Variants in MEI4 observed in about 807,000 individuals in gnomAD.
The protein encoded by MEI4 is meiotic double-stranded break formation protein 4, also known as meiosis-specific protein MEI4.
MEI4 carries 27 observed loss-of-function variants against 31.4 expected under a neutral mutation model. That is an observed-to-expected ratio of 0.86 (90% CI 0.63 to 1.19). The LOEUF (loss-of-function observed/expected upper bound fraction) is 1.19, where lower values mean the gene tolerates loss of function less well. MEI4 is among the 50% of genes most tolerant of loss of function. The pLI is 0.00. For missense variants in MEI4, 329 were observed against 398.9 expected (o/e 0.82, Z 1.49); for synonymous variants, 122 against 145.4 (o/e 0.84, Z 1.16).
intron 3 of MEI4, among the ~76,000 whole-genome samples, chr6:77,786,309 T>C (rs943260386): frequency 6.6e-6 from 1 of 152,106 alleles, no homozygotes; most frequent in African/African-American, 2.4e-5. Flanking sequence ...GAGCAGTCTC[T>C]CACTAAGGTA....
At chr6:77,777,733 C>T (rs1582131744) in intron 3 of MEI4, among the ~76,000 whole-genome samples, 1 of 152,046 alleles carries the variant, frequency 6.6e-6, no homozygotes, top group African/African-American at 2.4e-5. Context: ...AATGACAAAA[C>T]TTAAATCCTG....
chr6:77,889,871 CTTCAGAGGG>C, intron 4 of MEI4, among the ~76,000 whole-genome samples: 1 of 152,314 alleles, frequency 6.6e-6, no homozygotes, highest in East Asian at 1.9e-4. Context: ...CAGGCCATTG[CTTCAGAGGG>C]TGTAAGCCCC....
At chr6:77,699,439 G>T (rs1006068921) in intron 2 of MEI4, among the ~76,000 whole-genome samples, 1 of 151,976 alleles carries the variant, frequency 6.6e-6, no homozygotes, top group African/African-American at 2.4e-5. Context: ...TGATCCGCCC[G>T]CCTCGGCCTC....
chr6:77,737,357 G>A (rs1043447119), intron 2 of MEI4, among the ~76,000 whole-genome samples: 2 of 152,134 alleles, frequency 1.3e-5, no homozygotes, highest in Non-Finnish European at 2.9e-5. Flanking sequence ...AATTACTTTG[G>A]CATGGAAATA....
At chr6:77,697,817 A>G (rs1472936344) in intron 2 of MEI4, among the ~76,000 whole-genome samples, 1 of 152,074 alleles carries the variant, frequency 6.6e-6, no homozygotes, top group Admixed American at 6.5e-5. Context: ...ATTCCTGGGT[A>G]TCCTTGTTAA....
At chr6:77,922,836 T>C (rs999130035) in intron 4 of MEI4, among the ~76,000 whole-genome samples, 7 of 151,762 alleles carry the variant, frequency 4.6e-5, no homozygotes, top group Non-Finnish European at 8.8e-5. Flanking sequence ...TTGAGTATTC[T>C]CTGCAAGAAT....
intron 4 of MEI4, among the ~76,000 whole-genome samples, chr6:77,865,688 C>T (rs1274399202): frequency 6.6e-6 from 1 of 152,110 alleles, no homozygotes; most frequent in Non-Finnish European, 1.5e-5. Context: ...GAAACTATTC[C>T]AATCAATAGA....
intron 4 of MEI4, among the ~76,000 whole-genome samples, chr6:77,879,243 T>C (rs552663842): frequency 2.9e-4 from 44 of 152,326 alleles, no homozygotes; most frequent in African/African-American, 1.1e-3. Flanking sequence ...GTTTATATGC[T>C]GTGAACATTG....
At chr6:77,904,827 C>T (rs1766257746) in intron 4 of MEI4, among the ~76,000 whole-genome samples, 1 of 152,058 alleles carries the variant, frequency 6.6e-6, no homozygotes, top group South Asian at 2.1e-4. Flanking sequence ...TTCAGTTTCA[C>T]AATTTGCATC....
At chr6:77,800,751 A>T (rs1227849390) in intron 3 of MEI4, among the ~76,000 whole-genome samples, 1 of 152,106 alleles carries the variant, frequency 6.6e-6, no homozygotes, top group African/African-American at 2.4e-5. Flanking sequence ...TGAGATAATC[A>T]TGTGGTTTTT....
At chr6:77,917,622 T>G (rs867949380) in intron 4 of MEI4, among the ~76,000 whole-genome samples, 11 of 35,780 alleles carry the variant, frequency 3.1e-4, no homozygotes, top group Non-Finnish European at 4.0e-4. Context: ...GGGGTTGTTT[T>G]TTTCTTGTAA....
At chr6:77,864,421 G>A (rs1770960396) in intron 4 of MEI4, among the ~76,000 whole-genome samples, 1 of 151,684 alleles carries the variant, frequency 6.6e-6, no homozygotes, top group African/African-American at 2.4e-5. Context: ...AAAAGGCAGG[G>A]GTTGCAATCC....
chr6:77,900,907 T>C (rs1265480498), intron 4 of MEI4, among the ~76,000 whole-genome samples: 1 of 151,986 alleles, frequency 6.6e-6, no homozygotes, highest in Admixed American at 6.6e-5. Context: ...CATTTTAGTC[T>C]CTGCTACTAT....
intron 2 of MEI4, among the ~76,000 whole-genome samples, chr6:77,735,833 T>C (rs1767184239): frequency 2.0e-5 from 3 of 152,068 alleles, no homozygotes; most frequent in Non-Finnish European, 1.5e-5. Context: ...ACTTTCTGTT[T>C]ATTAGTTTTC....
In MEI4 at chr6:77,755,481, C is replaced by T. The variant is rs144809952; in HGVS notation, c.233-5649C>T. On this transcript the variant is annotated intron_variant, in intron 2 of 4. Transcript: ENST00000684080. The stretch of plus-strand genomic sequence containing the variant: ...TCACCCAGGCTGGAGTGCAGTGGCA[C>T]GATCTCGGTTTACTGAAACCTCCAC... Among the ~76,000 whole-genome samples the T allele has an allele frequency of 4.1e-3, 620 of 151,818 alleles. 5 individuals carry two copies. The highest frequency in any genetic ancestry group is 0.014 in the African/African-American group (588 of 41,410).
At chr6:77,687,697 C>A (rs779102701) in intron 1 of MEI4, among the ~76,000 whole-genome samples, 32 of 152,016 alleles carry the variant, frequency 2.1e-4, no homozygotes, top group Non-Finnish European at 3.8e-4. Context: ...TATTTATTAC[C>A]AGTTTACTAT....
chr6:77,752,981 G>A (rs956243862), intron 2 of MEI4, among the ~76,000 whole-genome samples: 7 of 152,180 alleles, frequency 4.6e-5, no homozygotes, highest in East Asian at 1.9e-4. Context: ...TGACAAACCT[G>A]ACAAAAACAA....
intron 1 of MEI4, among the ~76,000 whole-genome samples, chr6:77,663,757 C>T (rs1184125257): frequency 6.6e-6 from 1 of 152,124 alleles, no homozygotes; most frequent in Non-Finnish European, 1.5e-5. Context: ...GTGAGAGTTA[C>T]CCGAAGCTCG....
At chr6:77,694,639 C>T (rs1765968336) in intron 2 of MEI4, among the ~76,000 whole-genome samples, 1 of 152,126 alleles carries the variant, frequency 6.6e-6, no homozygotes, top group Non-Finnish European at 1.5e-5. Flanking sequence ...ATATGTGCCA[C>T]ATTTTCTTAA....
Sources: allele counts gnomAD v4.1 joint callset (sites outside exome capture counted in the v4.1 genomes callset), GRCh38; gene constraint gnomAD v4.1.1; transcripts MANE v1.5; gene names NCBI Gene and HGNC (gene_info 2026-07-23, HGNC 2026-07-21).